The following TENM3 variants were observed in gnomAD, a reference collection of about 807,000 sequenced individuals.
TENM3 encodes the protein teneurin-3.
TENM3 carries 63 observed loss-of-function variants against 255.1 expected under a neutral mutation model. That is an observed-to-expected ratio of 0.25 (90% confidence interval 0.20 to 0.30). TENM3 has a LOEUF of 0.30. Among genes scored for constraint, TENM3 ranks in the 10% least tolerant of loss-of-function variants. The probability of loss-of-function intolerance (pLI) is 1.00; values close to 1 mark genes in which losing one functional copy is unlikely to be tolerated. For missense variants in TENM3, 2,929 were observed against 3,461.1 expected (o/e 0.85, Z 3.86); for synonymous variants, 1,306 against 1,322.3 (o/e 0.99, Z 0.27).
intron 12 of TENM3, among the ~76,000 whole-genome samples, chr4:182,694,276 A>AT (rs1757222981): frequency 6.6e-6 from 1 of 151,918 alleles, no homozygotes; most frequent in African/African-American, 2.4e-5. Context: ...CACCTGGCTC[A>AT]TTTTTTGTAT....
At chr4:182,386,579 A>C (rs767898962) in intron 3 of TENM3, among the ~76,000 whole-genome samples, 3 of 152,180 alleles carry the variant, frequency 2.0e-5, no homozygotes, top group Non-Finnish European at 2.9e-5. Context: ...GCGAGCAGGA[A>C]CTGGGGCTGC....
the TENM3 span, among the ~76,000 whole-genome samples, chr4:181,495,099 G>A: frequency 6.6e-6 from 1 of 152,056 alleles, no homozygotes; most frequent in South Asian, 2.1e-4. Flanking sequence ...AATCAATATA[G>A]ACATAGATAT....
the TENM3 span, among the ~76,000 whole-genome samples, chr4:181,637,732 A>G: frequency 2.5e-4 from 38 of 152,210 alleles, no homozygotes; most frequent in African/African-American, 7.2e-4. Context: ...AGCACTTACC[A>G]ATTGTAACAT....
At chr4:181,968,992 C>CTATA in the TENM3 span, among the ~76,000 whole-genome samples, 103 of 116,092 alleles carry the variant, frequency 8.9e-4, no homozygotes, top group African/African-American at 2.9e-3. Context: ...CTCTCTCTCT[C>CTATA]TATATACATA....
intron 1 of TENM3, among the ~76,000 whole-genome samples, chr4:182,249,201 G>T (rs1448676135): frequency 6.6e-6 from 1 of 152,202 alleles, no homozygotes; most frequent in Non-Finnish European, 1.5e-5. Context: ...GTGGTCATGA[G>T]TTACCTGGGT....
intron 3 of TENM3, among the ~76,000 whole-genome samples, chr4:182,517,718 A>G (rs1305559858): frequency 1.3e-5 from 2 of 152,168 alleles, no homozygotes; most frequent in Non-Finnish European, 2.9e-5. Flanking sequence ...GATAATAGTC[A>G]ACATAGTATG....
At chr4:182,458,320 C>G (rs2151375585) in intron 3 of TENM3, among the ~76,000 whole-genome samples, 1 of 152,276 alleles carries the variant, frequency 6.6e-6, no homozygotes, top group East Asian at 1.9e-4. Flanking sequence ...GCTATTAACA[C>G]ATCAGAATGG....
At chr4:182,786,568 A>G (rs931768644) in intron 24 of TENM3, among the ~76,000 whole-genome samples, 2 of 151,838 alleles carry the variant, frequency 1.3e-5, no homozygotes, top group African/African-American at 4.8e-5. Context: ...AAAAAAAAAA[A>G]AAAAAAGAAA....
At chr4:182,181,659 G>C (rs1254999860) in intron 1 of TENM3, among the ~76,000 whole-genome samples, 2 of 151,806 alleles carry the variant, frequency 1.3e-5, no homozygotes, top group Admixed American at 1.3e-4. Context: ...CAGCAGAGCC[G>C]AGTGGTCATT....
the TENM3 span, among the ~76,000 whole-genome samples, chr4:181,824,592 A>G: frequency 6.6e-6 from 1 of 152,180 alleles, no homozygotes; most frequent in African/African-American, 2.4e-5. Flanking sequence ...TTTATATGAC[A>G]TGAAGGGGAA....
chr4:181,468,251 G>A, the TENM3 span, among the ~76,000 whole-genome samples: 1 of 152,216 alleles, frequency 6.6e-6, no homozygotes, highest in African/African-American at 2.4e-5. Flanking sequence ...TCCAGCCTGG[G>A]CCACAGAGTG....
At chr4:181,630,692 C>T in the TENM3 span, among the ~76,000 whole-genome samples, 15 of 152,076 alleles carry the variant, frequency 9.9e-5, no homozygotes, top group South Asian at 2.1e-4. Flanking sequence ...GATTGCACTG[C>T]GGTCTGAGAA....
chr4:181,474,919 T>C, the TENM3 span, among the ~76,000 whole-genome samples: 2 of 152,184 alleles, frequency 1.3e-5, no homozygotes, highest in Non-Finnish European at 2.9e-5. Context: ...CCTACAGCCT[T>C]GGCCACTGAA....
At chr4:181,826,820 T>TTAATG in the TENM3 span, among the ~76,000 whole-genome samples, 1 of 152,166 alleles carries the variant, frequency 6.6e-6, no homozygotes, top group African/African-American at 2.4e-5. Flanking sequence ...CCAGACGATT[T>TTAATG]TAATGTGCAA....
the TENM3 span, among the ~76,000 whole-genome samples, chr4:181,743,888 A>G: frequency 1.3e-5 from 2 of 152,000 alleles, no homozygotes; most frequent in South Asian, 4.1e-4. Flanking sequence ...GTGTGCCATG[A>G]TGGTTTGCTG....
At chr4:181,854,159 G>A in the TENM3 span, among the ~76,000 whole-genome samples, 10,195 of 152,146 alleles carry the variant, frequency 0.067, 608 homozygotes, top group African/African-American at 0.16. Context: ...TATGGAAATC[G>A]TCATCCACTG....
Position 182,701,175 on chromosome 4 carries a change from A to G in TENM3, c.2221+12824A>G, listed in dbSNP as rs1319357361. On this transcript the variant is annotated intron_variant, in intron 12 of 27. Coordinates refer to ENST00000511685, the MANE Select transcript of TENM3 (RefSeq NM_001080477.4). Reference sequence around the variant, plus strand: ...AGTCCCCACCTGAACAATAAGGGGTAAAATAATGCTTTTCACATACAGTCC... The same window carrying G: ...AGTCCCCACCTGAACAATAAGGGGTGAAATAATGCTTTTCACATACAGTCC... Among the ~76,000 whole-genome samples, 3 of 147,088 alleles carry G rather than the reference A, an allele frequency of 2.0e-5. No individual in the cohort carries two copies. The East Asian group carries it at 6.0e-4, about 29-fold the overall frequency.
At chr4:181,569,407 T>C in the TENM3 span, among the ~76,000 whole-genome samples, 1 of 152,198 alleles carries the variant, frequency 6.6e-6, no homozygotes, top group African/African-American at 2.4e-5. Flanking sequence ...GTGTTGTGCC[T>C]TTGTGTGTAC....
the TENM3 span, among the ~76,000 whole-genome samples, chr4:181,927,623 G>T: frequency 3.5e-4 from 54 of 152,346 alleles, 1 homozygote; most frequent in Admixed American, 3.0e-3. Flanking sequence ...ATTCCTGCCT[G>T]CCTGCTCCGA....
Sources: gnomAD v4.1 joint callset for allele counts (sites outside exome capture counted in the v4.1 genomes callset) on GRCh38, gnomAD v4.1.1 for gene constraint, MANE v1.5 for transcripts, NCBI Gene and HGNC (gene_info 2026-07-23, HGNC 2026-07-21) for gene names.